MROH9: variants seen among roughly 807,000 people sequenced by gnomAD.
MROH9 encodes maestro heat like repeat family member 9.
Under a neutral mutation model 98.2 loss-of-function variants are expected in MROH9, and 92 were observed. The ratio of observed to expected loss-of-function variants is 0.94; its 90% confidence interval spans 0.79 to 1.11. MROH9 has a LOEUF of 1.11. Ranked by LOEUF, MROH9 falls within the 50% of genes most tolerant of loss-of-function variation. The pLI is 0.00. For synonymous variants in MROH9, 397 were observed against 368.9 expected (o/e 1.08, Z -0.87); for missense variants, 1,057 against 1,014.8 (o/e 1.04, Z -0.57).
chr1:171,024,360 A>C (rs1246029137), intron 17 of MROH9, 35 bp from the exon 18 acceptor site: 1 of 1,544,364 alleles, frequency 6.5e-7, no homozygotes, highest in East Asian at 2.5e-5. Flanking sequence ...AAAAGCCCTA[A>C]TATTATCCTC....
At chr1:170,951,260 AAATT>A (rs1649542402) in intron 3 of MROH9, among the ~76,000 whole-genome samples, 1 of 152,126 alleles carries the variant, frequency 6.6e-6, no homozygotes, top group South Asian at 2.1e-4. Context: ...TTACAGAAAC[AAATT>A]AATTAACTCC....
chr1:170,971,403 C>T lies in MROH9; in HGVS notation c.481-345C>T, dbSNP rs61815980. Among the ~76,000 whole-genome samples the T allele has an allele frequency of 2.7e-3, 412 of 152,236 alleles. 4 individuals are homozygous for T. Among genetic ancestry groups the T allele is most frequent in the Non-Finnish European group, 4.6e-3 (316 of 68,022 alleles). ...CACAGCCCACCTTACTTTTCTATGTCCTGGGAATTTGCTACCTGCAAGTGA... is the reference window on the plus strand; with the variant it reads ...CACAGCCCACCTTACTTTTCTATGTTCTGGGAATTTGCTACCTGCAAGTGA... On this transcript the variant is annotated intron_variant, in intron 7 of 21. Transcript: ENST00000367759.
chr1:171,028,267 C>T (rs1391918722), intron 20 of MROH9, among the ~76,000 whole-genome samples: 2 of 152,150 alleles, frequency 1.3e-5, no homozygotes, highest in Non-Finnish European at 2.9e-5. Context: ...TTCGCAGCAC[C>T]ATTTACTGAA....
chr1:171,048,499 T>A (rs1359346460), intron 20 of MROH9, among the ~76,000 whole-genome samples: 1 of 152,036 alleles, frequency 6.6e-6, no homozygotes, highest in South Asian at 2.1e-4. Context: ...TCTGAAGTCA[T>A]CTTGTGGTGA....
intron 13 of MROH9, 140 bp downstream of exon 13, chr1:170,995,671 A>G: frequency 2.0e-6 from 2 of 992,680 alleles, no homozygotes; most frequent in Non-Finnish European, 2.9e-6. Context: ...TCTCCTCTGA[A>G]TGGTAGAATG....
At position 170,958,551 on chromosome 1, in the gene MROH9, C is replaced by CT; in HGVS notation, c.152+12dup. On this transcript the variant is annotated intron_variant, in intron 4 of 21. Transcript: ENST00000367759. ...GGCTGTGAACTCCAGGTATGATAAG[C>CT]TATCATGCTCTTTTATTTCACTAAT... 1 of 1,528,560 alleles carries CT rather than the reference C, an allele frequency of 6.5e-7. No homozygotes were observed. Among genetic ancestry groups the CT allele is most frequent in the Non-Finnish European group, 9.0e-7 (1 of 1,116,834 alleles). The allele number at this position is 1,528,560 out of a possible 1,614,324, so 94.7% of individuals were successfully genotyped here.
intron 20 of MROH9, among the ~76,000 whole-genome samples, chr1:171,029,342 C>G (rs1652830353): frequency 6.6e-6 from 1 of 152,048 alleles, no homozygotes; most frequent in African/African-American, 2.4e-5. Flanking sequence ...TCCTGAGTAG[C>G]TAGGGTTACA....
chr1:171,042,300 T>G (rs11484659), intron 20 of MROH9, among the ~76,000 whole-genome samples: 3,841 of 152,186 alleles, frequency 0.025, 150 homozygotes, highest in African/African-American at 0.087. Flanking sequence ...TCACTCATGT[T>G]GTTGCAAATG....
rs1648840125 is a variant in MROH9, at chr1:170,935,556, T to C, written c.-69T>C. ...ACTAGAGTTTCTCTTCACTACTTTG[T>C]CTCACCGTGATTACAGAGAAGTTAC... On this transcript the variant is annotated 5_prime_UTR_variant, in exon 1 of 22. Coordinates refer to ENST00000367759, the MANE Select transcript of MROH9 (RefSeq NM_001163629.2). 6.6e-6 allele frequency: 1 copy of C among 152,246 alleles called. No individual in the cohort carries two copies. Among genetic ancestry groups the C allele is most frequent in the Non-Finnish European group, 1.5e-5 (1 of 68,044 alleles). 9.4% of individuals were successfully genotyped at this position (152,246 alleles called of 1,614,324 possible). A position where few individuals can be genotyped will look rare whatever the true frequency, so the allele number is the denominator to read the frequency against.
At position 170,992,145 on chromosome 1, in the gene MROH9, G is replaced by A. The variant is rs1553215035; in HGVS notation, c.1029-19G>A. 6.3e-7 allele frequency: 1 copy of A among 1,589,978 alleles called. No individual in the cohort carries two copies. ...GACAAACATGATTCTCATTGTGTGG[G>A]GTGGGGCTGTGTTTGCAGCACTCTG... On this transcript the variant is annotated intron_variant, in intron 11 of 21. Coordinates refer to ENST00000367759, the MANE Select transcript of MROH9 (RefSeq NM_001163629.2).
chr1:170,998,191 A>T lies in MROH9; in HGVS notation c.1513A>T (p.Thr505Ser). Residue 505 changes from threonine to serine, a missense_variant, in exon 15 of 22, where the codon ACC becomes TCC. By Grantham distance (58) the Thr-to-Ser change is moderately conservative. Coordinates refer to ENST00000367759, the MANE Select transcript of MROH9 (RefSeq NM_001163629.2). ...SEYNFPQFPE[T>S]LSYLYKLSVE... The stretch of plus-strand genomic sequence containing the variant: ...ATATAACTTTCCACAGTTTCCGGAG[A>T]CCCTGAGTTATCTCTATAAGCTCTC... 3.7e-6 allele frequency: 6 copies of T among 1,611,532 alleles called. 1 individual carries two copies. In the South Asian group the frequency reaches 6.6e-5, roughly 18 times the overall value.
chr1:171,020,251 C>G (rs1319458073), intron 17 of MROH9, among the ~76,000 whole-genome samples: 1 of 152,164 alleles, frequency 6.6e-6, no homozygotes, highest in African/African-American at 2.4e-5. Context: ...GGACTTCTCC[C>G]TAATTCATTT....
intron 8 of MROH9, among the ~76,000 whole-genome samples, chr1:170,976,943 C>CT (rs1269996506): frequency 3.6e-4 from 55 of 151,772 alleles, no homozygotes; most frequent in Middle Eastern, 3.4e-3. Flanking sequence ...ATTCTGGTTT[C>CT]TTTTTTTTCT....
intron 10 of MROH9, among the ~76,000 whole-genome samples, chr1:170,987,432 C>T (rs1651183276): frequency 6.6e-6 from 1 of 152,174 alleles, no homozygotes. Context: ...TGCTTCCTTA[C>T]AACATAGGAA....
intron 15 of MROH9, among the ~76,000 whole-genome samples, chr1:171,007,064 G>T (rs1571497712): frequency 6.6e-6 from 1 of 152,154 alleles, no homozygotes; most frequent in African/African-American, 2.4e-5. Context: ...ATTGGTTTCT[G>T]TGTATTTGAA....
At chr1:170,968,405 C>T (rs1427335191) in intron 7 of MROH9, among the ~76,000 whole-genome samples, 1 of 152,156 alleles carries the variant, frequency 6.6e-6, no homozygotes, top group Non-Finnish European at 1.5e-5. Flanking sequence ...AGCATGACCC[C>T]AGCCTCCCTC....
chr1:170,956,601 T>TTG (rs1649770356), intron 3 of MROH9, among the ~76,000 whole-genome samples: 1 of 149,380 alleles, frequency 6.7e-6, no homozygotes, highest in African/African-American at 2.5e-5. Flanking sequence ...TTTTGTTTTT[T>TTG]TTTTTTTTTG....
rs547236617 is a variant in MROH9, at chr1:170,968,691, T to C, written c.481-3057T>C. The stretch of plus-strand genomic sequence containing the variant: ...TGAGCCCAGGAGTTCTAGGCTGCAG[T>C]GAGCTATGATCACACCACTGCAGTC... On this transcript the variant is annotated intron_variant, in intron 7 of 21. Coordinates refer to ENST00000367759, the MANE Select transcript of MROH9 (RefSeq NM_001163629.2). Among the ~76,000 whole-genome samples, 698 of 152,188 alleles carry C rather than the reference T, an allele frequency of 4.6e-3. 3 individuals are homozygous for C. Among genetic ancestry groups the C allele is most frequent in the Non-Finnish European group, 6.5e-3 (443 of 68,004 alleles).
chr1:171,039,148 G>A (rs1653211466), intron 20 of MROH9, among the ~76,000 whole-genome samples: 1 of 152,122 alleles, frequency 6.6e-6, no homozygotes. Context: ...AATTTCCAAA[G>A]CATCAAATTC....
Sources: gnomAD v4.1 joint callset for allele counts (sites outside exome capture counted in the v4.1 genomes callset) on GRCh38, gnomAD v4.1.1 for gene constraint, MANE v1.5 for transcripts, NCBI Gene and HGNC (gene_info 2026-07-23, HGNC 2026-07-21) for gene names.